EDA2R: variants seen among roughly 807,000 people sequenced by gnomAD.
The protein encoded by EDA2R is tumor necrosis factor receptor superfamily member 27.
A neutral mutation model predicts 20.1 loss-of-function variants in EDA2R; 26 were observed. The observed-to-expected ratio is 1.30, with a 90% CI of 0.95 to 1.80. The LOEUF is 1.80. Ranked by LOEUF, EDA2R falls within the 40% of genes most tolerant of loss-of-function variation. The pLI is 0.00. For synonymous variants in EDA2R, 114 were observed against 88.7 expected, an observed-to-expected ratio of 1.29 and a Z score of -1.60; for missense variants, 277 against 228.7, an observed-to-expected ratio of 1.21 and a Z score of -1.36.
At chrX:66,599,956 G>T in intron 5 of EDA2R, 96 bp from the exon 6 acceptor site, 1 of 1,139,446 alleles carries the variant, frequency 8.8e-7, no homozygotes, top group Non-Finnish European at 1.2e-6. Context: ...TAAAGGTCTG[G>T]GAGCTGATTC....
At position 66,600,196 on chromosome X, in the gene EDA2R, T is replaced by C. The variant is rs776224105; in HGVS notation, c.518-336A>G. The C allele has an allele frequency of 8.4e-6, 5 of 595,509 alleles. No individual in the cohort carries two copies. In the East Asian group the frequency reaches 1.8e-4, roughly 21 times the overall value. 49.1% of individuals were successfully genotyped at this position (595,509 alleles called of 1,213,427 possible). On this transcript the variant is annotated intron_variant, in intron 5 of 6. Coordinates refer to ENST00000374719, the MANE Select transcript of EDA2R (RefSeq NM_021783.5). ...TTATGTCTATGTACATTAAGTTACA[T>C]GGCAAACTAGACTCTGCAGATGGAA...
At chrX:66,606,176 A>G (rs1208264973) in intron 2 of EDA2R, among the ~76,000 whole-genome samples, 1 of 112,096 alleles carries the variant, frequency 8.9e-6, no homozygotes. Context: ...TCAAAGAAAC[A>G]ATTCTAGTTG....
rs1296431418 is a variant in EDA2R at position 66,611,457 on chromosome X, C to A, written c.87+4477G>T. Among the ~76,000 whole-genome samples, 3 of 111,737 alleles carry A rather than the reference C, an allele frequency of 2.7e-5. No individual in the cohort carries two copies. The Admixed American group carries it at 2.8e-4, about 11-fold the overall frequency. On this transcript the variant is annotated intron_variant, in intron 2 of 6. Coordinates refer to ENST00000374719, the MANE Select transcript of EDA2R (RefSeq NM_021783.5). ...ATGTTTTAAAAAACAATTTAAAATT[C>A]TCTTAAAAATAGAAAATCTCATCAA...
chrX:66,603,959 T>C (rs1391293682), intron 4 of EDA2R, among the ~76,000 whole-genome samples: 1 of 112,202 alleles, frequency 8.9e-6, no homozygotes, highest in Non-Finnish European at 1.9e-5. Context: ...AGTAAATAGA[T>C]GGTAGACAAA....
At chrX:66,618,093 G>A (rs1210097075) in intron 1 of EDA2R, among the ~76,000 whole-genome samples, 1 of 111,466 alleles carries the variant, frequency 9.0e-6, no homozygotes, top group Non-Finnish European at 1.9e-5. Context: ...CATCATATTG[G>A]TCAGGCTGGT....
rs1196444652 is a variant in EDA2R at position 66,597,394 on chromosome X, G to A, written c.*710C>T. On this transcript the variant is annotated 3_prime_UTR_variant, in exon 7 of 7. Transcript: ENST00000374719. ...GGTAGTTTGGGGAACTCAGGCCCCA[G>A]AAGGAAGATTACTTTGGCTCAGAAA... 8.9e-6 allele frequency: 1 copy of A among 111,931 alleles called. No homozygotes were observed. The highest frequency in any genetic ancestry group is 1.9e-5 in the Non-Finnish European group (1 of 53,207). The allele number at this position is 111,931 out of a possible 1,213,427, so 9.2% of individuals were successfully genotyped here.
At chrX:66,598,197 T>A in intron 6 of EDA2R, 104 bp from the exon 7 acceptor site, 1 of 251,688 alleles carries the variant, frequency 4.0e-6, no homozygotes, top group Non-Finnish European at 7.2e-6. Context: ...TGGTTGAGGA[T>A]GTAATAGCAG....
chrX:66,598,999 C>A (rs1927986118), intron 6 of EDA2R, among the ~76,000 whole-genome samples: 1 of 111,991 alleles, frequency 8.9e-6, no homozygotes, highest in African/African-American at 3.2e-5. Context: ...AACTAACTTT[C>A]CCTCTCTGTG....
At chrX:66,622,048 T>C (rs1932711115) in intron 1 of EDA2R, among the ~76,000 whole-genome samples, 1 of 111,730 alleles carries the variant, frequency 9.0e-6, no homozygotes, top group Non-Finnish European at 1.9e-5. Context: ...ATAATTTGAT[T>C]CATCCAACTT....
chrX:66,632,434 A>C (rs769893473), intron 1 of EDA2R, among the ~76,000 whole-genome samples: 3 of 104,011 alleles, frequency 2.9e-5, no homozygotes, highest in South Asian at 9.2e-4. Context: ...GAAGAAGAAG[A>C]AGCAGGAGGA....
At chrX:66,637,410 T>A (rs1450099309) in intron 1 of EDA2R, among the ~76,000 whole-genome samples, 1 of 111,819 alleles carries the variant, frequency 8.9e-6, no homozygotes. Context: ...TTACTCTTCC[T>A]AAAGCAGAGG....
At chrX:66,615,584 T>C (rs906635136) in intron 2 of EDA2R, among the ~76,000 whole-genome samples, 9 of 111,812 alleles carry the variant, frequency 8.0e-5, no homozygotes, top group African/African-American at 2.9e-4. Context: ...GGCTCTTCTC[T>C]CTTTCTCATT....
intron 1 of EDA2R, among the ~76,000 whole-genome samples, chrX:66,628,834 C>A (rs996030541): frequency 5.4e-5 from 6 of 111,259 alleles, no homozygotes; most frequent in African/African-American, 2.0e-4. Context: ...CACCCTAATT[C>A]ATTCTATGAA....
chrX:66,617,262 A>C (rs1044547164), intron 1 of EDA2R, among the ~76,000 whole-genome samples: 1 of 111,947 alleles, frequency 8.9e-6, no homozygotes, highest in Non-Finnish European at 1.9e-5. Context: ...CCATAAGTGC[A>C]CCTTTTTTTC....
chrX:66,615,869 C>T, intron 2 of EDA2R, 65 bp downstream of exon 2: 1 of 969,461 alleles, frequency 1.0e-6, no homozygotes, highest in East Asian at 3.2e-5. Flanking sequence ...ATCTTGGCCT[C>T]TTTCAGTTGC....
At chrX:66,604,340 G>C in intron 4 of EDA2R, 81 bp downstream of exon 4, 6 of 867,252 alleles carry the variant, frequency 6.9e-6, no homozygotes, top group Non-Finnish European at 9.8e-6. Context: ...GGTATGAGGG[G>C]ATATGGGTAG....
chrX:66,629,836 A>C (rs1933540759), intron 1 of EDA2R, among the ~76,000 whole-genome samples: 1 of 111,463 alleles, frequency 9.0e-6, no homozygotes, highest in Admixed American at 9.5e-5. Flanking sequence ...ATTACAAAAA[A>C]AAAATCTAAA....
rs780846616 is a variant in EDA2R, at chrX:66,599,706, C to T, written c.672G>A (p.Ser224=). 1.6e-5 allele frequency: 19 copies of T among 1,209,715 alleles called. No homozygotes were observed. The Middle Eastern group carries it at 6.9e-4, about 44-fold the overall frequency. Residue 224 remains serine (S), a synonymous_variant, in exon 6 of 7, where the codon TCG becomes TCA. Coordinates refer to ENST00000374719, the MANE Select transcript of EDA2R (RefSeq NM_021783.5). ...ACTCCTGTGTGGGGAAGCCACTAGT[C>T]GAGCTGCAGTCGTCCTCGAGGATAG... ...LNPILEDDCS[S]TSGFPTQESF...
chrX:66,615,879 C>T, intron 2 of EDA2R, 55 bp downstream of exon 2: 1 of 1,036,122 alleles, frequency 9.7e-7, no homozygotes, highest in South Asian at 2.0e-5. Flanking sequence ...CTTTCAGTTG[C>T]CGGGCTGGTT....
Sources: gnomAD v4.1 joint callset for allele counts (sites outside exome capture counted in the v4.1 genomes callset) on GRCh38, gnomAD v4.1.1 for gene constraint, MANE v1.5 for transcripts, NCBI Gene and HGNC (gene_info 2026-07-23, HGNC 2026-07-21) for gene names.